DOCK4: variants seen among roughly 807,000 people sequenced by gnomAD.
DOCK4 encodes dedicator of cytokinesis 4.
Under a neutral mutation model 268.1 loss-of-function variants are expected in DOCK4, and 97 were observed. The observed-to-expected ratio is 0.36, with a 90% CI of 0.31 to 0.43. DOCK4 has a LOEUF of 0.43. DOCK4 is among the 20% of genes least tolerant of loss of function. DOCK4 has a pLI of 1.00. For missense variants in DOCK4, 2,145 were observed against 2,455.7 expected, an observed-to-expected ratio of 0.87 and a Z score of 2.67; for synonymous variants, 954 against 887.2, an observed-to-expected ratio of 1.08 and a Z score of -1.34.
chr7:111,872,668 C>G (rs1309488964), intron 17 of DOCK4, 104 bp from the exon 18 acceptor site: 1 of 860,778 alleles, frequency 1.2e-6, no homozygotes, highest in Non-Finnish European at 1.7e-6. Context: ...TGTGGCTCCC[C>G]TCTCCTAGCC....
rs776700466 is a variant in DOCK4, at chr7:111,769,664, G to A, written c.3693C>T (p.Thr1231=). Residue 1231 remains threonine, a synonymous_variant, in exon 37 of 53, where the codon ACC becomes ACT. Coordinates refer to ENST00000428084, the MANE Select transcript of DOCK4 (RefSeq NM_001363540.2). Reference sequence around the variant, plus strand: ...CCAGTAGCTCGTCATATAAGAGGAGGGTATATGCAGCTTCTGCAAGTCACG... The same window carrying A: ...CCAGTAGCTCGTCATATAAGAGGAGAGTATATGCAGCTTCTGCAAGTCACG... ...KAQNFTEAAY[T]LLLYDELLEW... is the part of the protein sequence containing the mutation. 4 of 1,613,274 alleles carry A rather than the reference G, an allele frequency of 2.5e-6. No individual in the cohort carries two copies. Among genetic ancestry groups the A allele is most frequent in the East Asian group, 4.5e-5 (2 of 44,812 alleles).
intron 12 of DOCK4, among the ~76,000 whole-genome samples, chr7:111,933,065 TAC>T (rs1794330075): frequency 6.7e-6 from 1 of 148,388 alleles, no homozygotes; most frequent in Non-Finnish European, 1.5e-5. Flanking sequence ...TGTATATATA[TAC>T]ATATATATAC....
chr7:111,817,789 C>T (rs1335816315), intron 27 of DOCK4, among the ~76,000 whole-genome samples: 1 of 152,142 alleles, frequency 6.6e-6, no homozygotes, highest in Admixed American at 6.6e-5. Flanking sequence ...GAATCCCAGT[C>T]CTCACATCTC....
chr7:111,825,047 A>G (rs890550114), intron 26 of DOCK4, among the ~76,000 whole-genome samples: 6 of 152,218 alleles, frequency 3.9e-5, no homozygotes, highest in Non-Finnish European at 7.3e-5. Context: ...AACTAGCCCA[A>G]TGACCTTGGC....
chr7:112,078,806 A>ACTG (rs1808321901), intron 1 of DOCK4, among the ~76,000 whole-genome samples: 2 of 152,254 alleles, frequency 1.3e-5, no homozygotes, highest in African/African-American at 4.8e-5. Flanking sequence ...ATAGACCAGT[A>ACTG]CTGCCTTTTT....
At chr7:111,890,708 G>C (rs12538308) in intron 16 of DOCK4, among the ~76,000 whole-genome samples, 21,040 of 152,094 alleles carry the variant, frequency 0.14, 1,541 homozygotes, top group East Asian at 0.21. Context: ...AGAACACATT[G>C]AGAAGTGAAG....
At chr7:111,808,754 C>T in intron 30 of DOCK4, 67 bp downstream of exon 30, 1 of 1,532,448 alleles carries the variant, frequency 6.5e-7, no homozygotes, top group Non-Finnish European at 8.9e-7. Flanking sequence ...TGCCTTTCTT[C>T]ATTTGTACAC....
Position 112,202,764 on chromosome 7 carries a change from TA to T in DOCK4, c.37+3337del, listed in dbSNP as rs879426908. On this transcript the variant is annotated intron_variant, in intron 1 of 52. Transcript: ENST00000428084. ...ACAGAGCAAAACCCTGTCTCTAAATTAAAAAAAAAAAAATGAAAACTTAAAA... is the reference window on the plus strand; with the variant it reads ...ACAGAGCAAAACCCTGTCTCTAAATTAAAAAAAAAAAATGAAAACTTAAAA... 5.1e-3 allele frequency among the ~76,000 whole-genome samples: 718 copies of T among 139,886 alleles called. 4 individuals are homozygous for T. Among genetic ancestry groups the T allele is most frequent in the African/African-American group, 0.012 (470 of 38,208 alleles). The allele number at this position is 139,886 out of a possible 152,430, so 91.8% of individuals were successfully genotyped here. A position where few individuals can be genotyped will look rare whatever the true frequency, so the allele number is the denominator to read the frequency against.
intron 26 of DOCK4, among the ~76,000 whole-genome samples, chr7:111,830,122 T>C (rs1041201798): frequency 1.3e-5 from 2 of 152,208 alleles, no homozygotes; most frequent in South Asian, 4.1e-4. Flanking sequence ...CAGGAAACAT[T>C]TATTAATATC....
chr7:111,867,950 T>G, intron 22 of DOCK4, 34 bp downstream of exon 22: 1 of 1,487,532 alleles, frequency 6.7e-7, no homozygotes, highest in Non-Finnish European at 9.0e-7. Flanking sequence ...CACTTATCGT[T>G]TTCTTCTATT....
rs1362275806 is a variant in DOCK4 at position 111,728,036 on chromosome 7, T to G, written c.*238A>C. 1.0e-5 allele frequency: 4 copies of G among 396,964 alleles called. No homozygotes were observed. Among genetic ancestry groups the G allele is most frequent in the Non-Finnish European group, 1.8e-5 (4 of 226,190 alleles). The allele number at this position is 396,964 out of a possible 1,614,324, so 24.6% of individuals were successfully genotyped here. ...GTACAAAAGGAGTCTTTATCACTAT[T>G]TACCACTTCCAAATGAGAAACGTTT... On this transcript the variant is annotated 3_prime_UTR_variant, in exon 53 of 53. Transcript: ENST00000428084.
chr7:112,131,067 G>C (rs186864686), intron 1 of DOCK4, among the ~76,000 whole-genome samples: 13 of 152,266 alleles, frequency 8.5e-5, no homozygotes, highest in African/African-American at 3.1e-4. Flanking sequence ...AAAGGAAATG[G>C]CCGGCCGTAT....
chr7:112,183,753 G>A (rs1451765852), intron 1 of DOCK4, among the ~76,000 whole-genome samples: 2 of 152,298 alleles, frequency 1.3e-5, no homozygotes, highest in South Asian at 4.1e-4. Flanking sequence ...GGAGTGAGGC[G>A]ATGTGTCAGC....
chr7:111,908,678 T>C (rs1020071763), intron 13 of DOCK4, among the ~76,000 whole-genome samples: 6 of 152,028 alleles, frequency 3.9e-5, no homozygotes, highest in Non-Finnish European at 8.8e-5. Context: ...TACGTATTTG[T>C]CCTAATGCTC....
At chr7:111,861,611 T>C (rs984002320) in intron 23 of DOCK4, among the ~76,000 whole-genome samples, 2 of 151,770 alleles carry the variant, frequency 1.3e-5, no homozygotes, top group Non-Finnish European at 2.9e-5. Context: ...CCAGGCATGA[T>C]GGTGGGTGCC....
intron 7 of DOCK4, 121 bp from the exon 8 acceptor site, chr7:111,977,404 G>T: frequency 9.1e-7 from 1 of 1,102,272 alleles, no homozygotes; most frequent in Non-Finnish European, 1.2e-6. Context: ...TTATTTTGCT[G>T]TGGATTTGGT....
At chr7:112,060,848 AG>A (rs1300497704) in intron 1 of DOCK4, among the ~76,000 whole-genome samples, 1 of 152,150 alleles carries the variant, frequency 6.6e-6, no homozygotes, top group Non-Finnish European at 1.5e-5. Context: ...ATGGGTACAA[AG>A]TTTCAGTTTT....
intron 23 of DOCK4, among the ~76,000 whole-genome samples, chr7:111,858,117 C>A (rs1805162232): frequency 6.6e-6 from 1 of 152,152 alleles, no homozygotes; most frequent in South Asian, 2.1e-4. Context: ...TGAGGCTGCC[C>A]AGAGACCCTT....
In DOCK4 at chr7:112,181,118, G is replaced by A. The variant is rs781665423; in HGVS notation, c.37+24984C>T. Among the ~76,000 whole-genome samples, 6 of 152,132 alleles carry A rather than the reference G, an allele frequency of 3.9e-5. No homozygotes were observed. The South Asian group carries it at 1.2e-3, about 31-fold the overall frequency. On this transcript the variant is annotated intron_variant, in intron 1 of 52. Transcript: ENST00000428084. ...CTTTACAGACTTGTAAAATATTAGA[G>A]ATAATATCCAATGTTGGCAAGAAAG...
Sources: allele counts gnomAD v4.1 joint callset (sites outside exome capture counted in the v4.1 genomes callset), GRCh38; gene constraint gnomAD v4.1.1; transcripts MANE v1.5; gene names NCBI Gene and HGNC (gene_info 2026-07-23, HGNC 2026-07-21).